The following TULP4 variants were observed in gnomAD, a reference collection of about 807,000 sequenced individuals.
The protein encoded by TULP4 is TUB like protein 4.
In TULP4, 16 loss-of-function variants were observed where a neutral mutation model predicts 129.0. The observed-to-expected ratio is 0.12, with a 90% CI of 0.08 to 0.19. The LOEUF (loss-of-function observed/expected upper bound fraction) is 0.19. Among genes scored for constraint, TULP4 ranks in the 10% least tolerant of loss-of-function variants. TULP4 has a pLI of 1.00. For synonymous variants in TULP4, 998 were observed against 854.0 expected (o/e 1.17, Z -2.94); for missense variants, 1,842 against 2,059.1 (o/e 0.89, Z 2.04).
chr6:158,302,154 G>A (rs1241831012), intron 1 of TULP4, among the ~76,000 whole-genome samples: 1 of 152,150 alleles, frequency 6.6e-6, no homozygotes, highest in East Asian at 1.9e-4. Context: ...GGGAAATTGA[G>A]CTCAAAGTAG....
intron 1 of TULP4, among the ~76,000 whole-genome samples, chr6:158,255,615 A>G (rs569047090): frequency 4.6e-5 from 7 of 152,238 alleles, no homozygotes; most frequent in South Asian, 2.1e-4. Flanking sequence ...AACTGTTACA[A>G]TTGTTTTGCT....
chr6:158,481,448 T>C, intron 8 of TULP4, 159 bp downstream of exon 8: 2 of 688,980 alleles, frequency 2.9e-6, no homozygotes, highest in Admixed American at 2.3e-5. Context: ...AGAATCCCAT[T>C]GAAATGAACA....
intron 1 of TULP4, chr6:158,237,677 T>A: frequency 8.8e-7 from 1 of 1,139,130 alleles, no homozygotes; most frequent in Non-Finnish European, 1.3e-6. Context: ...AATTTTCCCT[T>A]CTTTTTCTTT....
At chr6:158,407,410 T>C (rs548087661) in intron 1 of TULP4, among the ~76,000 whole-genome samples, 1 of 152,184 alleles carries the variant, frequency 6.6e-6, no homozygotes, top group African/African-American at 2.4e-5. Flanking sequence ...CCATTGCTAG[T>C]GGGGATGTAA....
At chr6:158,354,291 A>G (rs550592661) in intron 1 of TULP4, among the ~76,000 whole-genome samples, 1 of 152,322 alleles carries the variant, frequency 6.6e-6, no homozygotes, top group South Asian at 2.1e-4. Context: ...AATAGCCTTT[A>G]TGTGTTTTAT....
chr6:158,479,882 C>T lies in TULP4; in HGVS notation c.1158C>T (p.Ala386=). 1 of 1,613,578 alleles carries T rather than the reference C, an allele frequency of 6.2e-7. No homozygotes were observed. Among genetic ancestry groups the T allele is most frequent in the Non-Finnish European group, 8.5e-7 (1 of 1,180,034 alleles). The change falls in exon 7 of 14, where the codon GCC becomes GCT. Residue 386 remains alanine, a synonymous_variant. Coordinates refer to ENST00000367097, the MANE Select transcript of TULP4 (RefSeq NM_020245.5). ...AGCTGCTGTGCCAGCAGGCCATCGC[C>T]AGCACCTTGCGTGAGGACAAGGACG... ...SLQLLCQQAI[A]STLREDKDVS... is the part of the protein sequence containing the mutation.
chr6:158,337,457 C>T (rs1051456808), intron 1 of TULP4, among the ~76,000 whole-genome samples: 11 of 152,086 alleles, frequency 7.2e-5, no homozygotes, highest in Non-Finnish European at 1.6e-4. Flanking sequence ...AGCCTTTTCT[C>T]CCTGATACAG....
At chr6:158,339,232 C>A (rs1424475596) in intron 1 of TULP4, among the ~76,000 whole-genome samples, 1 of 152,110 alleles carries the variant, frequency 6.6e-6, no homozygotes, top group Non-Finnish European at 1.5e-5. Context: ...GTAAAACCAG[C>A]AAGTTTTTAT....
intron 1 of TULP4, among the ~76,000 whole-genome samples, chr6:158,264,485 CT>C (rs1256775367): frequency 6.6e-6 from 1 of 152,106 alleles, no homozygotes; most frequent in African/African-American, 2.4e-5. Flanking sequence ...GCCATTTTCC[CT>C]CTCCAGAAAA....
intron 13 of TULP4, among the ~76,000 whole-genome samples, 164 bp downstream of exon 13, chr6:158,504,342 G>A (rs1461680559): frequency 6.7e-6 from 1 of 148,264 alleles, no homozygotes; most frequent in Non-Finnish European, 1.5e-5. Context: ...GCCCACTGCT[G>A]TCTTGTATTT....
chr6:158,397,722 C>T (rs2114969481), intron 1 of TULP4, among the ~76,000 whole-genome samples: 1 of 152,270 alleles, frequency 6.6e-6, no homozygotes, highest in Non-Finnish European at 1.5e-5. Flanking sequence ...TAGAACAGAG[C>T]CTCAGCCGGC....
intron 6 of TULP4, among the ~76,000 whole-genome samples, chr6:158,476,168 C>A (rs1019214537): frequency 1.3e-5 from 2 of 152,146 alleles, no homozygotes; most frequent in Admixed American, 6.5e-5. Flanking sequence ...TATCATCTTA[C>A]ATGGACTATA....
intron 1 of TULP4, among the ~76,000 whole-genome samples, chr6:158,269,022 T>C (rs1372423088): frequency 1.3e-5 from 2 of 152,248 alleles, no homozygotes; most frequent in Admixed American, 6.5e-5. Flanking sequence ...CCAAGCTTAG[T>C]GACCAGAGCA....
intron 3 of TULP4, among the ~76,000 whole-genome samples, chr6:158,430,494 A>G (rs1778604578): frequency 1.3e-5 from 2 of 152,188 alleles, no homozygotes; most frequent in South Asian, 2.1e-4. Flanking sequence ...TGTAATCCCA[A>G]CACTTTGGGA....
In TULP4 at chr6:158,285,233, AG is replaced by A. The variant is rs544188725; in HGVS notation, n.116+2856del. Among the ~76,000 whole-genome samples the A allele has an allele frequency of 4.1e-4, 62 of 152,242 alleles. 1 individual carries two copies. The highest frequency in any genetic ancestry group is 1.5e-3 in the African/African-American group (61 of 41,548). ...TCTAGTCTTGGACTGGTCTGTTAGT[AG>A]ATTTTTTGTTGTTGTTAAGCAACAA... On this transcript the variant is annotated intron_variant and non_coding_transcript_variant, in intron 1 of 1. Transcript: ENST00000432358.
At chr6:158,403,582 C>T (rs1208876732) in intron 1 of TULP4, among the ~76,000 whole-genome samples, 7 of 152,056 alleles carry the variant, frequency 4.6e-5, no homozygotes, top group Non-Finnish European at 8.8e-5. Flanking sequence ...TCAGGTGATC[C>T]GCCCGCCTCG....
chr6:158,470,227 A>G (rs533212977), intron 6 of TULP4, among the ~76,000 whole-genome samples: 1 of 152,338 alleles, frequency 6.6e-6, no homozygotes, highest in Non-Finnish European at 1.5e-5. Flanking sequence ...GATGGGAGTC[A>G]GCGGCGGGTC....
chr6:158,289,504 GTTTTC>G (rs778057115), intron 1 of TULP4, among the ~76,000 whole-genome samples: 3 of 151,772 alleles, frequency 2.0e-5, no homozygotes, highest in Non-Finnish European at 2.9e-5. Context: ...TTTATAACAT[GTTTTC>G]TTTTCTAACA....
At chr6:158,494,568 T>C (rs1276436365) in intron 10 of TULP4, among the ~76,000 whole-genome samples, 185 bp from the exon 11 acceptor site, 1 of 152,136 alleles carries the variant, frequency 6.6e-6, no homozygotes, top group Non-Finnish European at 1.5e-5. Context: ...CCCCACTCAC[T>C]GCTGCGTGCC....
Sources: allele counts gnomAD v4.1 joint callset (sites outside exome capture counted in the v4.1 genomes callset), GRCh38; gene constraint gnomAD v4.1.1; transcripts MANE v1.5; gene names NCBI Gene and HGNC (gene_info 2026-07-23, HGNC 2026-07-21).